SP100: variants seen among roughly 807,000 people sequenced by gnomAD.
SP100 encodes nuclear autoantigen Sp-100.
In SP100, 84 loss-of-function variants were observed where a neutral mutation model predicts 130.0. The observed-to-expected ratio is 0.65, with a 90% confidence interval of 0.54 to 0.77. The LOEUF is 0.77. Among genes scored for constraint, SP100 ranks in the 30% least tolerant of loss-of-function variants. The pLI, the probability that SP100 is intolerant of heterozygous loss-of-function variation, is 0.00. For missense variants in SP100, 978 were observed against 1,052.2 expected (o/e 0.93, Z 0.97); for synonymous variants, 331 against 351.7 (o/e 0.94, Z 0.66).
At chr2:230,533,264 T>C (rs1031222510) in intron 24 of SP100, among the ~76,000 whole-genome samples, 2 of 152,238 alleles carry the variant, frequency 1.3e-5, no homozygotes, top group East Asian at 1.9e-4. Context: ...TGTCTTTATT[T>C]TGATAAGTTT....
intron 17 of SP100, among the ~76,000 whole-genome samples, chr2:230,491,945 T>C (rs986622172): frequency 3.9e-5 from 6 of 152,230 alleles, no homozygotes; most frequent in Non-Finnish European, 7.3e-5. Flanking sequence ...TTTCCTATTT[T>C]TTCAGTGGTT....
At chr2:230,451,648 A>T (rs1310632374) in intron 8 of SP100, among the ~76,000 whole-genome samples, 1 of 152,128 alleles carries the variant, frequency 6.6e-6, no homozygotes, top group African/African-American at 2.4e-5. Flanking sequence ...TTTTAGTTTG[A>T]TGTAATCCCA....
chr2:230,503,545 C>A (rs1032816794), intron 20 of SP100, among the ~76,000 whole-genome samples: 5 of 152,132 alleles, frequency 3.3e-5, no homozygotes, highest in African/African-American at 1.2e-4. Context: ...TATAATCACC[C>A]TATTGATCTA....
intron 17 of SP100, among the ~76,000 whole-genome samples, chr2:230,479,159 A>G (rs2065711944): frequency 1.3e-5 from 2 of 152,124 alleles, no homozygotes; most frequent in African/African-American, 2.4e-5. Flanking sequence ...GCTCTCCCAC[A>G]TTCTCCATTC....
At chr2:230,515,428 A>G (rs1159368332) in intron 24 of SP100, 6 of 1,613,902 alleles carry the variant, frequency 3.7e-6, no homozygotes, top group Non-Finnish European at 5.1e-6. Context: ...GTGGAATAAC[A>G]CCGCTGCAGC....
intron 24 of SP100, among the ~76,000 whole-genome samples, chr2:230,520,905 G>T (rs775824702): frequency 6.6e-6 from 1 of 152,162 alleles, no homozygotes; most frequent in Non-Finnish European, 1.5e-5. Context: ...GCAACATACA[G>T]GCTCAAATGT....
rs1690113575 is a variant in SP100 at position 230,506,506 on chromosome 2, G to A, written c.2013+61G>A. On this transcript the variant is annotated intron_variant, in intron 22 of 28. Coordinates refer to ENST00000340126, the MANE Select transcript of SP100 (RefSeq NM_001080391.2). The stretch of plus-strand genomic sequence containing the variant: ...AGCTGTCATGCTTCACTAACACCAA[G>A]CTTTAGCAGAATTTCTCAGTGCCCA... 10 of 1,561,852 alleles carry A rather than the reference G, an allele frequency of 6.4e-6. No individual in the cohort carries two copies. The South Asian group carries it at 9.2e-5, about 14-fold the overall frequency.
In SP100 at chr2:230,449,136, C is replaced by T. The variant is rs1221019600; in HGVS notation, c.572C>T (p.Ser191Phe). ...FRSLTWPPSGSPSHAGTTPPE... is the reference protein window; with the variant it reads ...FRSLTWPPSGFPSHAGTTPPE... The stretch of plus-strand genomic sequence containing the variant: ...AGCCTGACTTGGCCACCTTCGGGTT[C>T]CCCATCTCATGCTGGTTTGTTCCTG... The change falls in exon 6 of 29, where the codon TCC becomes TTC. Residue 191 changes from serine to phenylalanine, a missense_variant. Physicochemically the swap from Ser to Phe is radical, Grantham distance 155 (BLOSUM62 -2). Transcript: ENST00000340126. The T allele has an allele frequency of 1.9e-6, 3 of 1,613,934 alleles. No individual in the cohort carries two copies. The highest frequency in any genetic ancestry group is 3.3e-5 in the Admixed American group (2 of 60,022).
chr2:230,540,700 G>C (rs1347616375), intron 25 of SP100, among the ~76,000 whole-genome samples, 176 bp from the exon 26 acceptor site: 1 of 152,194 alleles, frequency 6.6e-6, no homozygotes, highest in Admixed American at 6.5e-5. Context: ...ATTGGTGGGA[G>C]GGCATGCCTT....
At chr2:230,446,937 G>T in intron 5 of SP100, 35 bp downstream of exon 5, 3 of 1,281,776 alleles carry the variant, frequency 2.3e-6, no homozygotes, top group African/African-American at 1.5e-5. Flanking sequence ...TTTTCTAAGA[G>T]AGGTTAGGGA....
chr2:230,495,386 G>A (rs922947296), intron 18 of SP100, among the ~76,000 whole-genome samples: 9 of 152,078 alleles, frequency 5.9e-5, no homozygotes, highest in African/African-American at 1.7e-4. Flanking sequence ...ACAGTGCTAC[G>A]ATCTCAGCTC....
intron 24 of SP100, among the ~76,000 whole-genome samples, chr2:230,532,433 C>T (rs990133629): frequency 6.6e-6 from 1 of 151,772 alleles, no homozygotes; most frequent in South Asian, 2.1e-4. Context: ...AAAATATTGG[C>T]CTATCCTTAA....
At chr2:230,471,584 G>C (rs3769853) in intron 15 of SP100, among the ~76,000 whole-genome samples, 35,532 of 151,876 alleles carry the variant, frequency 0.23, 5,036 homozygotes, top group Middle Eastern at 0.33. Context: ...TTGCATGGAG[G>C]AAAAGTTCTT....
intron 21 of SP100, 78 bp downstream of exon 21, chr2:230,504,368 T>C: frequency 1.2e-6 from 1 of 813,638 alleles, no homozygotes; most frequent in Non-Finnish European, 2.0e-6. Flanking sequence ...AGTAGACACT[T>C]GCCTTTGAGG....
intron 2 of SP100, among the ~76,000 whole-genome samples, chr2:230,422,717 G>A (rs1013919922): frequency 6.6e-6 from 1 of 152,078 alleles, no homozygotes; most frequent in Non-Finnish European, 1.5e-5. Flanking sequence ...GATTTCAGAA[G>A]GAACACAGAT....
intron 11 of SP100, among the ~76,000 whole-genome samples, chr2:230,464,672 T>C (rs967789851): frequency 6.6e-6 from 1 of 152,246 alleles, no homozygotes; most frequent in African/African-American, 2.4e-5. Flanking sequence ...TTGGCTTACA[T>C]TGTGATTTTT....
At chr2:230,447,254 C>T (rs563892244) in intron 5 of SP100, among the ~76,000 whole-genome samples, 4 of 152,138 alleles carry the variant, frequency 2.6e-5, no homozygotes, top group Admixed American at 2.0e-4. Flanking sequence ...AGAGGAGACC[C>T]CTGGGGAAAG....
At chr2:230,485,823 C>T (rs1322741421) in intron 17 of SP100, among the ~76,000 whole-genome samples, 4 of 152,046 alleles carry the variant, frequency 2.6e-5, no homozygotes, top group Admixed American at 6.6e-5. Context: ...AGAACCAAGA[C>T]GTTTGATCTT....
chr2:230,522,246 T>TTTGGTGATTGTGTGTGTG (rs1327673954), intron 24 of SP100, among the ~76,000 whole-genome samples: 1,928 of 152,162 alleles, frequency 0.013, 36 homozygotes, highest in African/African-American at 0.043. Context: ...ATCATTGTGT[T>TTTGGTGATTGTGTGTGTG]TTGGTGATTG....
Sources: allele counts gnomAD v4.1 joint callset (sites outside exome capture counted in the v4.1 genomes callset), GRCh38; gene constraint gnomAD v4.1.1; transcripts MANE v1.5; gene names NCBI Gene and HGNC (gene_info 2026-07-23, HGNC 2026-07-21).